Variants in CNTN5 observed in about 807,000 individuals in gnomAD.
CNTN5 encodes the protein contactin 5, also known as contactin-5.
In CNTN5, 77 loss-of-function variants were observed where a neutral mutation model predicts 129.1. That is an observed-to-expected ratio of 0.60 (90% CI 0.50 to 0.72). The LOEUF (loss-of-function observed/expected upper bound fraction) is 0.72, where lower values mean the gene tolerates loss of function less well. Among genes scored for constraint, CNTN5 ranks in the 30% least tolerant of loss-of-function variants. CNTN5 has a pLI of 0.00. For missense variants in CNTN5, 1,478 were observed against 1,328.8 expected, an observed-to-expected ratio of 1.11 and a Z score of -1.75; for synonymous variants, 509 against 465.6, an observed-to-expected ratio of 1.09 and a Z score of -1.20.
chr11:99,437,695 C>T (rs991872469), intron 2 of CNTN5, among the ~76,000 whole-genome samples: 17 of 151,970 alleles, frequency 1.1e-4, no homozygotes, highest in Admixed American at 1.1e-3. Flanking sequence ...GGGTGGCATG[C>T]GCCTGTAATC....
chr11:99,469,785 T>G (rs940671332), intron 2 of CNTN5, among the ~76,000 whole-genome samples: 1 of 152,146 alleles, frequency 6.6e-6, no homozygotes, highest in Non-Finnish European at 1.5e-5. Flanking sequence ...CCTAAATATC[T>G]ATGTACCTTT....
At chr11:99,413,140 A>C (rs747317605) in intron 2 of CNTN5, among the ~76,000 whole-genome samples, 7 of 152,214 alleles carry the variant, frequency 4.6e-5, no homozygotes, top group Admixed American at 2.6e-4. Flanking sequence ...AGGCAAATTA[A>C]TCTACATCAA....
rs537198223 is a variant in CNTN5, at chr11:99,871,495, A to G, written c.577+26233A>G. ...TCATCAGGCTGGTGTTAACAGCTGT[A>G]ATTTGGATCATGATGATAACAAACA... On this transcript the variant is annotated intron_variant, in intron 6 of 24. Coordinates refer to ENST00000524871, the MANE Select transcript of CNTN5 (RefSeq NM_014361.4). 4.6e-5 allele frequency among the ~76,000 whole-genome samples: 7 copies of G among 152,132 alleles called. No individual in the cohort carries two copies. The East Asian group carries it at 1.4e-3, about 29-fold the overall frequency.
At chr11:100,139,001 C>A (rs887350945) in intron 13 of CNTN5, among the ~76,000 whole-genome samples, 1 of 152,004 alleles carries the variant, frequency 6.6e-6, no homozygotes, top group African/African-American at 2.4e-5. Context: ...GAAAGGAATG[C>A]AAGATGATTC....
chr11:99,549,092 CT>C (rs5793994), intron 2 of CNTN5, among the ~76,000 whole-genome samples: 89,984 of 146,838 alleles, frequency 0.61, 27,181 homozygotes, highest in South Asian at 0.7. Context: ...GTGTCAATTC[CT>C]TTTTTTTTTT....
chr11:99,655,624 T>C (rs1565394704), intron 3 of CNTN5, among the ~76,000 whole-genome samples: 1 of 152,248 alleles, frequency 6.6e-6, no homozygotes, highest in East Asian at 1.9e-4. Flanking sequence ...TGGGATTAAT[T>C]TGGCTTTGAA....
chr11:99,772,388 T>C (rs1944976797), intron 3 of CNTN5, among the ~76,000 whole-genome samples: 1 of 152,100 alleles, frequency 6.6e-6, no homozygotes, highest in African/African-American at 2.4e-5. Flanking sequence ...AAATGACACT[T>C]AACTGCCATG....
chr11:99,701,273 A>T (rs1386595352), intron 3 of CNTN5, among the ~76,000 whole-genome samples: 4 of 151,262 alleles, frequency 2.6e-5, no homozygotes, highest in African/African-American at 9.7e-5. Context: ...AGTGGAAGAG[A>T]TGGAACCTGA....
At chr11:99,991,136 T>A (rs76459866) in intron 8 of CNTN5, among the ~76,000 whole-genome samples, 1,609 of 152,304 alleles carry the variant, frequency 0.011, 23 homozygotes, top group African/African-American at 0.036. Flanking sequence ...TGTGTCACCA[T>A]TGGTTATGCT....
intron 15 of CNTN5, among the ~76,000 whole-genome samples, chr11:100,212,571 C>G (rs1286337660): frequency 6.6e-6 from 1 of 152,092 alleles, no homozygotes; most frequent in Non-Finnish European, 1.5e-5. Context: ...AGTTACTAGA[C>G]AGGGGGCAAG....
intron 14 of CNTN5, among the ~76,000 whole-genome samples, chr11:100,193,265 A>G (rs1214405362): frequency 6.6e-6 from 1 of 151,918 alleles, no homozygotes; most frequent in African/African-American, 2.4e-5. Context: ...TCCAAGTCAC[A>G]TTCTTAATAG....
chr11:99,774,232 CTTGTT>C (rs1344447352), intron 3 of CNTN5, among the ~76,000 whole-genome samples: 1 of 151,372 alleles, frequency 6.6e-6, no homozygotes, highest in East Asian at 1.9e-4. Context: ...TCATCAAATA[CTTGTT>C]TGTGGGTAAA....
At chr11:100,128,975 A>T (rs1198835777) in intron 13 of CNTN5, among the ~76,000 whole-genome samples, 1 of 152,092 alleles carries the variant, frequency 6.6e-6, no homozygotes, top group Non-Finnish European at 1.5e-5. Flanking sequence ...ACTATTTCAG[A>T]TCATTAATAT....
intron 13 of CNTN5, among the ~76,000 whole-genome samples, chr11:100,172,106 T>C (rs1204434607): frequency 6.6e-6 from 1 of 152,008 alleles, no homozygotes; most frequent in Non-Finnish European, 1.5e-5. Flanking sequence ...TCCAGTCAAA[T>C]GAAGTTAATT....
At chr11:100,310,055 C>T (rs1951440703) in intron 21 of CNTN5, among the ~76,000 whole-genome samples, 1 of 151,844 alleles carries the variant, frequency 6.6e-6, no homozygotes, top group African/African-American at 2.4e-5. Context: ...GCTCAGCTCC[C>T]CATTCTGAGT....
intron 3 of CNTN5, among the ~76,000 whole-genome samples, chr11:99,787,451 C>A (rs1156909106): frequency 6.7e-6 from 1 of 150,120 alleles, no homozygotes; most frequent in African/African-American, 2.4e-5. Context: ...ATATTTTTAG[C>A]AGTGAGAATG....
chr11:99,391,280 T>A (rs1040644222), intron 2 of CNTN5, among the ~76,000 whole-genome samples: 4 of 152,164 alleles, frequency 2.6e-5, no homozygotes, highest in Non-Finnish European at 5.9e-5. Flanking sequence ...AATACTAGAT[T>A]GTTCTTTTAA....
At chr11:99,485,237 A>T (rs1591143264) in intron 2 of CNTN5, among the ~76,000 whole-genome samples, 1 of 103,424 alleles carries the variant, frequency 9.7e-6, no homozygotes, top group African/African-American at 3.1e-5. Context: ...ACCCCCCAAA[A>T]TTGTTTAAAA....
chr11:99,729,150 G>C (rs1301639766), intron 3 of CNTN5, among the ~76,000 whole-genome samples: 1 of 152,136 alleles, frequency 6.6e-6, no homozygotes, highest in Non-Finnish European at 1.5e-5. Context: ...GAAGATGAAA[G>C]AGTTATAAAT....
Sources: allele counts gnomAD v4.1 joint callset (sites outside exome capture counted in the v4.1 genomes callset), GRCh38; gene constraint gnomAD v4.1.1; transcripts MANE v1.5; gene names NCBI Gene and HGNC (gene_info 2026-07-23, HGNC 2026-07-21).